The following TSEN2 variants were observed in gnomAD, a reference collection of about 807,000 sequenced individuals.
TSEN2 encodes tRNA-splicing endonuclease subunit Sen2.
A neutral mutation model predicts 59.2 loss-of-function variants in TSEN2; 54 were observed. That is an observed-to-expected ratio of 0.91 (90% CI 0.73 to 1.14). The LOEUF is 1.14. Ranked by LOEUF, TSEN2 falls within the 50% of genes most tolerant of loss-of-function variation. TSEN2 has a pLI of 0.00. For missense variants in TSEN2, 636 were observed against 576.2 expected, an observed-to-expected ratio of 1.10 and a Z score of -1.06; for synonymous variants, 195 against 198.2, an observed-to-expected ratio of 0.98 and a Z score of 0.14.
chr3:12,531,557 C>G lies in TSEN2; in HGVS notation c.1249-13C>G. ...TTTGTAGGATACAGAAGTGGTTTTT[C>G]ATTTCTCAATAGGAACTTATGCTGT... is the stretch of plus-strand genomic sequence containing the variant. On this transcript the variant is annotated splice_polypyrimidine_tract_variant and intron_variant, in intron 10 of 11. Coordinates refer to ENST00000284995, the MANE Select transcript of TSEN2 (RefSeq NM_025265.4). 1 of 1,587,834 alleles carries G rather than the reference C, an allele frequency of 6.3e-7. No homozygotes were observed. The highest frequency in any genetic ancestry group is 8.6e-7 in the Non-Finnish European group (1 of 1,156,208).
upstream of TSEN2, among the ~76,000 whole-genome samples, chr3:12,483,128 C>A (rs1265867625): frequency 6.6e-6 from 1 of 152,230 alleles, no homozygotes; most frequent in African/African-American, 2.4e-5. Flanking sequence ...GTAATCCCAG[C>A]ACTTTGGGAG....
At chr3:12,490,912 C>T (rs2053150889) in intron 2 of TSEN2, among the ~76,000 whole-genome samples, 1 of 152,208 alleles carries the variant, frequency 6.6e-6, no homozygotes, top group Non-Finnish European at 1.5e-5. Context: ...CCTTCATTTA[C>T]AGTATATAAC....
In TSEN2 at chr3:12,501,366, G is replaced by A. The variant is rs141913130; in HGVS notation, c.309-1896G>A. Reference sequence around the variant, plus strand: ...ACAAAATGTGCCATACCAAAGTCACGGTGCCGTACTGACTCTCAGGTATTA... The same window carrying A: ...ACAAAATGTGCCATACCAAAGTCACAGTGCCGTACTGACTCTCAGGTATTA... On this transcript the variant is annotated intron_variant, in intron 4 of 11. Transcript: ENST00000284995. Among the ~76,000 whole-genome samples the A allele has an allele frequency of 4.5e-3, 684 of 152,278 alleles. 14 individuals are homozygous for A. Among genetic ancestry groups the A allele is most frequent in the Admixed American group, 0.04 (615 of 15,300 alleles).
At chr3:12,527,709 C>T (rs1343349860) in intron 8 of TSEN2, among the ~76,000 whole-genome samples, 3 of 152,124 alleles carry the variant, frequency 2.0e-5, no homozygotes, top group Non-Finnish European at 4.4e-5. Context: ...AAATCCAACA[C>T]GGCTGTCTCT....
At chr3:12,488,934 A>G (rs556747423) in intron 1 of TSEN2, among the ~76,000 whole-genome samples, 5 of 152,236 alleles carry the variant, frequency 3.3e-5, no homozygotes, top group Non-Finnish European at 5.9e-5. Context: ...TCCTATTTGT[A>G]AAATGGTGTT....
At chr3:12,531,503 T>C in intron 10 of TSEN2, 67 bp from the exon 11 acceptor site, 1 of 1,067,494 alleles carries the variant, frequency 9.4e-7, no homozygotes, top group Non-Finnish European at 1.5e-6. Context: ...CTGCATTTCC[T>C]GCTGATGCAC....
intron 6 of TSEN2, among the ~76,000 whole-genome samples, chr3:12,515,790 G>A (rs1280737132): frequency 6.6e-6 from 1 of 152,054 alleles, no homozygotes; most frequent in African/African-American, 2.4e-5. Context: ...TAGGGTTCTA[G>A]AAAATCACTT....
downstream of TSEN2, among the ~76,000 whole-genome samples, chr3:12,538,550 T>C (rs2057733145): frequency 6.6e-6 from 1 of 152,202 alleles, no homozygotes; most frequent in Non-Finnish European, 1.5e-5. Context: ...TAAGTTATTT[T>C]AACACGAGGC....
intron 6 of TSEN2, among the ~76,000 whole-genome samples, chr3:12,506,425 T>C (rs1253680123): frequency 2.0e-5 from 3 of 151,852 alleles, no homozygotes; most frequent in Non-Finnish European, 4.4e-5. Context: ...CAAAACCCCA[T>C]CTCTACAAAA....
At chr3:12,526,673 G>A (rs573636491) in intron 8 of TSEN2, among the ~76,000 whole-genome samples, 7 of 152,282 alleles carry the variant, frequency 4.6e-5, no homozygotes, top group African/African-American at 7.2e-5. Flanking sequence ...GCCATACACC[G>A]TGCTAATACT....
At chr3:12,527,074 A>T (rs1050242255) in intron 8 of TSEN2, among the ~76,000 whole-genome samples, 4 of 152,240 alleles carry the variant, frequency 2.6e-5, no homozygotes, top group African/African-American at 9.6e-5. Context: ...TCCCAAGTTC[A>T]CTTTTGTTCC....
chr3:12,520,933 C>T (rs937965640), intron 8 of TSEN2, among the ~76,000 whole-genome samples: 6 of 152,164 alleles, frequency 3.9e-5, no homozygotes, highest in African/African-American at 1.4e-4. Flanking sequence ...TCCTCTCCCT[C>T]CTCCCTCTCT....
intron 4 of TSEN2, among the ~76,000 whole-genome samples, chr3:12,499,095 A>G (rs941122114): frequency 4.6e-5 from 7 of 152,014 alleles, no homozygotes; most frequent in African/African-American, 1.7e-4. Context: ...TGAAATTCTG[A>G]TTTTTATTTC....
chr3:12,488,333 T>C (rs1478557060), intron 1 of TSEN2, among the ~76,000 whole-genome samples: 1 of 152,212 alleles, frequency 6.6e-6, no homozygotes, highest in African/African-American at 2.4e-5. Flanking sequence ...CCGCACTGTA[T>C]CTTCAAGCAC....
Position 12,506,621 on chromosome 3 carries a change from C to T in TSEN2, c.909+1390C>T. On this transcript the variant is annotated intron_variant, in intron 6 of 11. Transcript: ENST00000284995. ...GTGGCTAAAAGTGGCCTTCCATAAA[C>T]TGCATCATATTGTCCCAGTGACCTG... The T allele has an allele frequency of 4.9e-6, 4 of 809,626 alleles. No homozygotes were observed. In the South Asian group the frequency reaches 1.7e-4, roughly 34 times the overall value. The allele number at this position is 809,626 out of a possible 1,614,324, so 50.2% of individuals were successfully genotyped here. A position where few individuals can be genotyped will look rare whatever the true frequency, so the allele number is the denominator to read the frequency against.
At chr3:12,518,462 C>G (rs115686313) in intron 7 of TSEN2, among the ~76,000 whole-genome samples, 246 of 152,248 alleles carry the variant, frequency 1.6e-3, no homozygotes, top group Non-Finnish European at 3.1e-3. Flanking sequence ...ACCACCACCC[C>G]CTCCAGTCCT....
intron 6 of TSEN2, among the ~76,000 whole-genome samples, chr3:12,507,633 G>C (rs2054983868): frequency 6.6e-6 from 1 of 152,150 alleles, no homozygotes. Context: ...CCAGGCATTG[G>C]GCTAAGTGCT....
intron 2 of TSEN2, among the ~76,000 whole-genome samples, chr3:12,491,031 C>T (rs2053163222): frequency 6.6e-6 from 1 of 152,112 alleles, no homozygotes; most frequent in Non-Finnish European, 1.5e-5. Flanking sequence ...TACCCTGTCA[C>T]CCAGACTAGG....
At chr3:12,489,254 T>C (rs2052965995) in intron 1 of TSEN2, among the ~76,000 whole-genome samples, 1 of 152,232 alleles carries the variant, frequency 6.6e-6, no homozygotes, top group African/African-American at 2.4e-5. Context: ...TATTTATTAA[T>C]GTACTTTAAA....
Sources: gnomAD v4.1 joint callset for allele counts (sites outside exome capture counted in the v4.1 genomes callset) on GRCh38, gnomAD v4.1.1 for gene constraint, MANE v1.5 for transcripts, NCBI Gene and HGNC (gene_info 2026-07-23, HGNC 2026-07-21) for gene names.